Variants in MMEL1 observed in about 807,000 individuals in gnomAD.
The protein encoded by MMEL1 is membrane metalloendopeptidase like 1, also known as membrane metallo-endopeptidase-like 1.
A neutral mutation model predicts 117.1 loss-of-function variants in MMEL1; 98 were observed. The ratio of observed to expected loss-of-function variants is 0.84; its 90% confidence interval spans 0.71 to 0.99. MMEL1 has a LOEUF of 0.99. Among genes scored for constraint, MMEL1 ranks in the 50% least tolerant of loss-of-function variants. The probability of loss-of-function intolerance (pLI) is 0.00; values close to 1 mark genes in which losing one functional copy is unlikely to be tolerated. For missense variants in MMEL1, 1,014 were observed against 1,049.1 expected (o/e 0.97, Z 0.46); for synonymous variants, 390 against 415.1 (o/e 0.94, Z 0.74).
intron 17 of MMEL1, 76 bp from the exon 18 acceptor site, chr1:2,594,519 C>G: frequency 6.8e-7 from 1 of 1,480,694 alleles, no homozygotes; most frequent in South Asian, 1.2e-5. Flanking sequence ...CCTTGATGGA[C>G]CAGGGCCTAC....
rs1644821107 is a variant in MMEL1, at chr1:2,595,530, T to G, written c.1501-171A>C. On this transcript the variant is annotated intron_variant, in intron 15 of 23. Coordinates refer to ENST00000378412, the MANE Select transcript of MMEL1 (RefSeq NM_033467.4). This position sits in a 1 kb window ranked among gnomAD's most constrained non-coding sequence, Gnocchi z 4.8. ...GGGCTCCGGGATCTGGCCCCCACCT[T>G]GCAGGCTCTGGGGAGGTTTAATGGG... is the stretch of plus-strand genomic sequence containing the variant. Among the ~76,000 whole-genome samples the G allele has an allele frequency of 6.6e-6, 1 of 152,100 alleles. No homozygotes were observed.
intron 2 of MMEL1, among the ~76,000 whole-genome samples, chr1:2,615,689 G>C (rs1253374472): frequency 6.6e-6 from 1 of 152,176 alleles, no homozygotes; most frequent in Admixed American, 6.5e-5. Context: ...AGGGGAGACT[G>C]GGGGTGGGGT....
At chr1:2,607,295 C>A (rs200741244) in intron 6 of MMEL1, among the ~76,000 whole-genome samples, 2 of 152,188 alleles carry the variant, frequency 1.3e-5, no homozygotes, top group African/African-American at 4.8e-5. Context: ...AGACTGGACA[C>A]GGGCGTGAAA....
In MMEL1 at chr1:2,604,249, T is replaced by C. The variant is rs1644984523; in HGVS notation, c.849A>G (p.Ser283=). The C allele has an allele frequency of 1.9e-6, 3 of 1,612,714 alleles. No individual in the cohort carries two copies. The highest frequency in any genetic ancestry group is 2.5e-6 in the Non-Finnish European group (3 of 1,179,886). The part of the protein sequence containing the change: ...VREAYLQFMV[S]VATLLREDAN... ...CATCCTCCCGCAGCAACGTGGCCAC[T>C]GACACCATGAACTGCAGGTAGGCTT... The change falls in exon 10 of 24, where the codon TCA becomes TCG. Residue 283 remains serine, a synonymous_variant. Coordinates refer to ENST00000378412, the MANE Select transcript of MMEL1 (RefSeq NM_033467.4).
At chr1:2,597,873 C>G (rs1281749448) in intron 13 of MMEL1, among the ~76,000 whole-genome samples, 1 of 152,212 alleles carries the variant, frequency 6.6e-6, no homozygotes, top group Non-Finnish European at 1.5e-5. Flanking sequence ...CTGCCTCTGG[C>G]CTCTGCACTG....
At chr1:2,629,028 C>CGGCGGAGGCGGAGGCGGA (rs540228927) in intron 2 of MMEL1, among the ~76,000 whole-genome samples, 1 of 151,710 alleles carries the variant, frequency 6.6e-6, no homozygotes, top group East Asian at 2.0e-4. Flanking sequence ...TCCGGGAGTC[C>CGGCGGAGGCGGAGGCGGA]GGCGGAGGCG....
At chr1:2,597,176 G>A (rs1644856164) in intron 13 of MMEL1, among the ~76,000 whole-genome samples, 1 of 152,100 alleles carries the variant, frequency 6.6e-6, no homozygotes, top group South Asian at 2.1e-4. Context: ...CCAGACTCAG[G>A]CAAAGCCCAG....
intron 2 of MMEL1, among the ~76,000 whole-genome samples, chr1:2,628,348 C>T: frequency 6.6e-6 from 1 of 152,248 alleles, no homozygotes; most frequent in East Asian, 1.9e-4. Context: ...CAGACACAGC[C>T]TCCCGCAGGG....
At chr1:2,611,037 C>T (rs1466431646) in intron 4 of MMEL1, among the ~76,000 whole-genome samples, 2 of 152,254 alleles carry the variant, frequency 1.3e-5, no homozygotes, top group Non-Finnish European at 2.9e-5. Context: ...GGGTTCTTGG[C>T]ACGGGATGCT....
intron 13 of MMEL1, 122 bp downstream of exon 13, chr1:2,598,085 C>A (rs1263621381): frequency 5.3e-6 from 5 of 944,108 alleles, no homozygotes; most frequent in African/African-American, 1.6e-5. Context: ...GGGCGCCTCG[C>A]CCTGCCTCGT....
At chr1:2,594,254 G>A (rs1644793974) in intron 18 of MMEL1, 131 bp downstream of exon 18, 2 of 1,051,090 alleles carry the variant, frequency 1.9e-6, no homozygotes, top group East Asian at 2.6e-5. Context: ...GCAGCAAGGG[G>A]TGACATAGGA....
intron 6 of MMEL1, among the ~76,000 whole-genome samples, chr1:2,608,699 G>A (rs1215704221): frequency 1.3e-5 from 2 of 151,648 alleles, no homozygotes; most frequent in Non-Finnish European, 2.9e-5. Flanking sequence ...ACATGCATGT[G>A]CACATAATAC....
In MMEL1 at chr1:2,613,040, C is replaced by T. The variant is rs145886371; in HGVS notation, c.155-836G>A. 1.8e-3 allele frequency among the ~76,000 whole-genome samples: 281 copies of T among 152,290 alleles called. 1 individual carries two copies. The highest frequency in any genetic ancestry group is 6.5e-3 in the African/African-American group (272 of 41,560). On this transcript the variant is annotated intron_variant, in intron 2 of 23. Transcript: ENST00000378412. ...ACTGCAGAGAGGGTGCTAGAAGCCA[C>T]AAAAATATCAGCTCCTTGGGGGCCT...
intron 2 of MMEL1, among the ~76,000 whole-genome samples, chr1:2,622,365 G>A (rs1233733716): frequency 6.6e-6 from 1 of 152,154 alleles, no homozygotes; most frequent in Non-Finnish European, 1.5e-5. Context: ...ATTTCTAACA[G>A]GCTCCCAGGC....
chr1:2,629,337 G>T lies in MMEL1; in HGVS notation c.148C>A (p.Arg50Ser). 2.0e-6 allele frequency: 3 copies of T among 1,537,478 alleles called. No individual in the cohort carries two copies. The highest frequency in any genetic ancestry group is 1.7e-6 in the Non-Finnish European group (2 of 1,144,400). ...GCGGGGCACCCGCACTCACCTCTGC[G>T]GTCGGCGTAGAGGACACCCAAGGCC... is the stretch of plus-strand genomic sequence containing the variant. ...LVALGVLYAD[R>S]RGKQLPRLAS... Residue 50 changes from arginine to serine, a missense_variant, in exon 2 of 24, where the codon CGC becomes AGC. Coordinates refer to ENST00000378412, the MANE Select transcript of MMEL1 (RefSeq NM_033467.4).
At chr1:2,591,124 C>CCATCTTGG in intron 23 of MMEL1, 35 bp from the exon 24 acceptor site, 2 of 1,443,534 alleles carry the variant, frequency 1.4e-6, no homozygotes, top group Non-Finnish European at 1.9e-6. Flanking sequence ...AGGAGCATTG[C>CCATCTTGG]CATCTTGGAC....
At chr1:2,607,163 G>A in intron 6 of MMEL1, 94 bp from the exon 7 acceptor site, 1 of 1,067,144 alleles carries the variant, frequency 9.4e-7, no homozygotes, top group Non-Finnish European at 1.4e-6. Context: ...GGCGTCACAG[G>A]TCCCCACAGC....
rs1644986219 is a variant in MMEL1, at chr1:2,604,291, AG to A, written c.817-11del. 3 of 1,612,016 alleles carry A rather than the reference AG, an allele frequency of 1.9e-6. No homozygotes were observed. The South Asian group carries it at 3.3e-5, about 18-fold the overall frequency. ...GGTAGGCTTCCCGCACCTGGGCCAA[AG>A]GACGCCGGGCAGAGCTGGGTGGCCT... On this transcript the variant is annotated splice_polypyrimidine_tract_variant and intron_variant, in intron 9 of 23. Transcript: ENST00000378412.
chr1:2,611,190 T>C, intron 4 of MMEL1, 91 bp downstream of exon 4: 1 of 1,320,638 alleles, frequency 7.6e-7, no homozygotes, highest in Non-Finnish European at 1.0e-6. Flanking sequence ...TTGGAGTTGC[T>C]TCCCTGGGCC....
Sources: allele counts gnomAD v4.1 joint callset (sites outside exome capture counted in the v4.1 genomes callset), GRCh38; gene constraint gnomAD v4.1.1; non-coding constraint Gnocchi (gnomAD v3.1); transcripts MANE v1.5; gene names NCBI Gene and HGNC (gene_info 2026-07-23, HGNC 2026-07-21).